KIF25: variants seen among roughly 807,000 people sequenced by gnomAD.
The protein encoded by KIF25 is kinesin-like protein KIF25.
KIF25 carries 19 observed loss-of-function variants against 32.9 expected under a neutral mutation model. That is an observed-to-expected ratio of 0.58 (90% confidence interval 0.40 to 0.85). The LOEUF is 0.85. Ranked by LOEUF, KIF25 falls within the 40% of genes least tolerant of loss-of-function variation. The pLI is 0.00. For missense variants in KIF25, 485 were observed against 507.0 expected (o/e 0.96, Z 0.42); for synonymous variants, 225 against 213.7 (o/e 1.05, Z -0.46).
intron 5 of KIF25, among the ~76,000 whole-genome samples, chr6:168,025,391 C>T (rs896775232): frequency 1.1e-4 from 16 of 152,110 alleles, no homozygotes; most frequent in Admixed American, 4.6e-4. Context: ...ATCGTCTTCC[C>T]AACTGGAACA....
At chr6:168,043,101 G>A (rs1234634220) in intron 12 of KIF25, among the ~76,000 whole-genome samples, 1 of 152,148 alleles carries the variant, frequency 6.6e-6, no homozygotes, top group Admixed American at 6.5e-5. Flanking sequence ...GGGTCTTTTG[G>A]GGGCAGGTGC....
At chr6:168,037,663 CT>C (rs1250858014) in intron 8 of KIF25, among the ~76,000 whole-genome samples, 1 of 152,062 alleles carries the variant, frequency 6.6e-6, no homozygotes, top group Non-Finnish European at 1.5e-5. Context: ...CTCTCTCTCT[CT>C]CTCTCTGTAG....
At chr6:168,006,348 G>A (rs928004344) in intron 4 of KIF25, among the ~76,000 whole-genome samples, 2 of 152,012 alleles carry the variant, frequency 1.3e-5, no homozygotes, top group African/African-American at 4.8e-5. Flanking sequence ...GGCAAATTGT[G>A]CTTTAAAAGT....
At position 168,040,182 on chromosome 6, in the gene KIF25, G is replaced by A. The variant is rs772947616; in HGVS notation, c.612G>A (p.Val204=). Reference sequence around the variant, plus strand: ...CCAGGTCTCACCTGATAATTACGGTGACTCTAACCACAGCCTCCTGCTCTG... The same window carrying A: ...CCAGGTCTCACCTGATAATTACGGTAACTCTAACCACAGCCTCCTGCTCTG... ...DSSRSHLIIT[V]TLTTASCSDS... is the part of the protein sequence containing the mutation. Residue 204 remains valine, a synonymous_variant, in exon 10 of 13, where the codon GTG becomes GTA. Transcript: ENST00000643607. 1 of 1,613,820 alleles carries A rather than the reference G, an allele frequency of 6.2e-7. No individual in the cohort carries two copies. Among genetic ancestry groups the A allele is most frequent in the Non-Finnish European group, 8.5e-7 (1 of 1,179,944 alleles).
At chr6:168,016,636 C>T (rs1798717894) in intron 4 of KIF25, among the ~76,000 whole-genome samples, 1 of 152,258 alleles carries the variant, frequency 6.6e-6, no homozygotes, top group African/African-American at 2.4e-5. Flanking sequence ...TTCTGCGTCA[C>T]CCACTCCCTC....
rs1180952382 is a variant in KIF25, at chr6:168,042,700, C to A, written c.969C>A (p.Leu323=). Residue 323 remains leucine, a synonymous_variant, in exon 12 of 13, where the codon CTC becomes CTA. Coordinates refer to ENST00000643607, the MANE Select transcript of KIF25 (RefSeq NM_030615.4). The part of the protein sequence containing the change: ...APYRNSRLTH[L]LQDCLGGDAK... ...ACCGGAACAGCAGGCTCACCCACCT[C>A]CTTCAGGACTGCCTCGGTAACCGTT... 6.2e-7 allele frequency: 1 copy of A among 1,611,954 alleles called. No homozygotes were observed.
intron 5 of KIF25, among the ~76,000 whole-genome samples, chr6:168,020,470 TA>T (rs77182863): frequency 0.015 from 2,212 of 144,976 alleles, 52 homozygotes; most frequent in African/African-American, 0.048. Flanking sequence ...TTTTTCTTAT[TA>T]AAAAAAAAAA....
intron 2 of KIF25, among the ~76,000 whole-genome samples, chr6:168,000,284 G>A (rs1272847030): frequency 3.8e-5 from 3 of 78,146 alleles, no homozygotes. Flanking sequence ...CCATAAACCT[G>A]CCCCTCCCCA....
chr6:168,026,384 A>G (rs1287267141), intron 5 of KIF25, among the ~76,000 whole-genome samples: 4 of 152,190 alleles, frequency 2.6e-5, no homozygotes, highest in African/African-American at 9.6e-5. Context: ...CTTGCTGTCT[A>G]TCTATAGAGT....
intron 7 of KIF25, among the ~76,000 whole-genome samples, chr6:168,033,269 G>A (rs756893172): frequency 3.5e-4 from 54 of 152,178 alleles, no homozygotes; most frequent in Non-Finnish European, 7.5e-4. Flanking sequence ...GGAGGTTAAA[G>A]CAGGAGGATC....
intron 12 of KIF25, 139 bp from the exon 13 acceptor site, chr6:168,044,688 C>G: frequency 1.2e-6 from 1 of 834,480 alleles, no homozygotes; most frequent in Non-Finnish European, 1.9e-6. Context: ...CAGGAACCTG[C>G]CAGACGTGGC....
chr6:168,035,785 A>G (rs572266092), intron 8 of KIF25: 4 of 456,126 alleles, frequency 8.8e-6, no homozygotes, highest in South Asian at 6.2e-5. Context: ...TCAGAGTCTC[A>G]GAATCTCTGC....
At chr6:168,037,669 CT>C (rs1193849548) in intron 8 of KIF25, among the ~76,000 whole-genome samples, 28 of 146,498 alleles carry the variant, frequency 1.9e-4, no homozygotes, top group African/African-American at 6.3e-4. Flanking sequence ...CTCTCTCTCT[CT>C]GTAGTATCTT....
chr6:168,035,475 A>C (rs2114906320), intron 8 of KIF25, among the ~76,000 whole-genome samples: 2 of 145,274 alleles, frequency 1.4e-5, no homozygotes, highest in South Asian at 2.3e-4. Flanking sequence ...GGGGGCGGGA[A>C]CGGTGCTGAG....
intron 4 of KIF25, among the ~76,000 whole-genome samples, chr6:168,005,647 C>T (rs556955213): frequency 2.0e-5 from 3 of 152,348 alleles, no homozygotes; most frequent in African/African-American, 7.2e-5. Context: ...AGAGCCAGTC[C>T]GAGATCCAAA....
chr6:168,015,286 T>A (rs1046403982), intron 4 of KIF25, among the ~76,000 whole-genome samples: 1 of 152,218 alleles, frequency 6.6e-6, no homozygotes, highest in Non-Finnish European at 1.5e-5. Context: ...CCTCTTCCTC[T>A]CAGGTTTCCT....
chr6:168,021,116 C>A (rs906712957), intron 5 of KIF25, among the ~76,000 whole-genome samples: 1 of 152,180 alleles, frequency 6.6e-6, no homozygotes, highest in African/African-American at 2.4e-5. Flanking sequence ...GGCAAACCAA[C>A]AGACACATCA....
chr6:168,031,645 A>G (rs1798944103), intron 7 of KIF25, among the ~76,000 whole-genome samples: 1 of 152,248 alleles, frequency 6.6e-6, no homozygotes, highest in Non-Finnish European at 1.5e-5. Context: ...TTTTATACCC[A>G]TCTGAAGAAA....
chr6:168,035,461 C>CGG (rs200000338), intron 8 of KIF25, among the ~76,000 whole-genome samples: 30 of 68,974 alleles, frequency 4.3e-4, no homozygotes, highest in South Asian at 9.4e-4. Context: ...AACGGCGCTG[C>CGG]GGGGGGGGCG....
Sources: allele counts gnomAD v4.1 joint callset (sites outside exome capture counted in the v4.1 genomes callset), GRCh38; gene constraint gnomAD v4.1.1; transcripts MANE v1.5; gene names NCBI Gene and HGNC (gene_info 2026-07-23, HGNC 2026-07-21).